The following XKR5 variants were observed in gnomAD, a reference collection of about 807,000 sequenced individuals.
The protein encoded by XKR5 is XK related 5.
A neutral mutation model predicts 40.8 loss-of-function variants in XKR5; 46 were observed. That is an observed-to-expected ratio of 1.13 (90% CI 0.89 to 1.44). The LOEUF is 1.44. Ranked by LOEUF, XKR5 falls within the 40% of genes most tolerant of loss-of-function variation. The pLI is 0.00. For missense variants in XKR5, 1,169 were observed against 844.7 expected (o/e 1.38, Z -4.76); for synonymous variants, 466 against 356.1 (o/e 1.31, Z -3.48).
chr8:6,822,164 C>G (rs1804270818), intron 4 of XKR5, 126 bp from the exon 5 acceptor site: 31 of 920,790 alleles, frequency 3.4e-5, no homozygotes, highest in Non-Finnish European at 4.4e-5. Flanking sequence ...GAAGAGATAT[C>G]AAAACCCAGA....
chr8:6,816,733 A>T (rs921219380), intron 5 of XKR5, among the ~76,000 whole-genome samples: 1 of 147,506 alleles, frequency 6.8e-6, no homozygotes, highest in Non-Finnish European at 1.5e-5. Context: ...ATTAATATAT[A>T]TTTTAATATA....
intron 1 of XKR5, among the ~76,000 whole-genome samples, chr8:6,834,170 G>C (rs1263131529): frequency 1.3e-5 from 2 of 152,192 alleles, no homozygotes; most frequent in African/African-American, 4.8e-5. Flanking sequence ...GAGGCGGTGC[G>C]CTGGTAGAGG....
chr8:6,835,369 G>T lies in XKR5; in HGVS notation c.58+67C>A, dbSNP rs1804966479. On this transcript the variant is annotated intron_variant, in intron 1 of 6. Transcript: ENST00000618742. ...CCGCCCGGGCATAGGCAGCCTGTGC[G>T]GCTCCCGGCGCCGGGGTGGGGTTAG... 1.3e-5 allele frequency: 18 copies of T among 1,347,158 alleles called. 1 individual carries two copies. In the South Asian group the frequency reaches 2.8e-4, roughly 21 times the overall value. The allele number at this position is 1,347,158 out of a possible 1,614,324, so 83.5% of individuals were successfully genotyped here. A position where few individuals can be genotyped will look rare whatever the true frequency, so the allele number is the denominator to read the frequency against.
rs757433288 is a variant in XKR5, at chr8:6,825,310, C to A, written c.282G>T (p.Leu94=). The A allele has an allele frequency of 1.5e-5, 24 of 1,603,978 alleles. No homozygotes were observed. The South Asian group carries it at 2.4e-4, about 16-fold the overall frequency. Residue 94 remains leucine (L), a synonymous_variant, in exon 3 of 7, where the codon CTG becomes CTT. Transcript: ENST00000618742. ...GCAGCCAGCCTCGGTGGGGAGCCTC[C>A]AGTTCCTTCTGCAGACTGGTCAGTG... is the stretch of plus-strand genomic sequence containing the variant. ...DAALTSLQKE[L]EAPHRGWLQL...
intron 5 of XKR5, among the ~76,000 whole-genome samples, chr8:6,817,801 A>G (rs1208253666): frequency 6.6e-6 from 1 of 152,196 alleles, no homozygotes; most frequent in African/African-American, 2.4e-5. Flanking sequence ...ATCTATTCAA[A>G]TACAAACTCC....
chr8:6,831,095 C>G (rs1804744319), intron 2 of XKR5, among the ~76,000 whole-genome samples: 1 of 152,338 alleles, frequency 6.6e-6, no homozygotes, highest in African/African-American at 2.4e-5. Flanking sequence ...ACTCACTCAA[C>G]AGGCCTCTGT....
Position 6,823,653 on chromosome 8 carries a change from G to T in XKR5, c.505C>A (p.Pro169Thr). 1 of 1,592,212 alleles carries T rather than the reference G, an allele frequency of 6.3e-7. No individual in the cohort carries two copies. The highest frequency in any genetic ancestry group is 8.6e-7 in the Non-Finnish European group (1 of 1,169,498). The change falls in exon 4 of 7, where the codon CCA becomes ACA. Residue 169 changes from proline (P) to threonine (T), a missense_variant. Transcript: ENST00000618742. ...GCCCATGGCATGGCCAGGTGGCCTG[G>T]CTTCATGAAGCCCATGAAGCGAGTG... ...SYTRFMGFMK[P>T]GHLAMPWAAL...
chr8:6,832,014 CAAAA>C (rs34490284), intron 2 of XKR5, among the ~76,000 whole-genome samples: 1 of 45,204 alleles, frequency 2.2e-5, no homozygotes, highest in Non-Finnish European at 3.8e-5. Context: ...GACTCCATCT[CAAAA>C]AAAAAAAAAA....
rs1360307931 is a variant in XKR5 at position 6,810,990 on chromosome 8, T to TA, written c.*207dup. The TA allele has an allele frequency of 1.8e-6, 1 of 547,192 alleles. No individual in the cohort carries two copies. The highest frequency in any genetic ancestry group is 3.0e-5 in the East Asian group (1 of 32,950). 33.9% of individuals were successfully genotyped at this position (547,192 alleles called of 1,614,324 possible). A position where few individuals can be genotyped will look rare whatever the true frequency, so the allele number is the denominator to read the frequency against. On this transcript the variant is annotated 3_prime_UTR_variant, in exon 7 of 7. Transcript: ENST00000618742. Reference sequence around the variant, plus strand: ...CTCTAAAGTATGTTAGAGTCTCTCCTATGCATGGGTGGGGTCTGTGATGTT... The same window carrying TA: ...CTCTAAAGTATGTTAGAGTCTCTCCTAATGCATGGGTGGGGTCTGTGATGTT...
intron 2 of XKR5, among the ~76,000 whole-genome samples, chr8:6,827,630 C>G (rs1216176960): frequency 6.6e-6 from 1 of 152,190 alleles, no homozygotes; most frequent in Non-Finnish European, 1.5e-5. Flanking sequence ...ACATATGACA[C>G]TAAAAAATGT....
rs1001967095 is a variant in XKR5 at position 6,823,674 on chromosome 8, G to C, written c.484C>G (p.Arg162Gly). ...CCTGGCTTCATGAAGCCCATGAAGCGAGTGTAGGACACCAGTGCCCAGGAG... is the reference window on the plus strand; with the variant it reads ...CCTGGCTTCATGAAGCCCATGAAGCCAGTGTAGGACACCAGTGCCCAGGAG... ...SLSWALVSYT[R>G]FMGFMKPGHL... The change falls in exon 4 of 7, where the codon CGC (arginine) becomes GGC (glycine). Residue 162 changes from arginine to glycine, a missense_variant. Transcript: ENST00000618742. 2.5e-6 allele frequency: 4 copies of C among 1,591,650 alleles called. No individual in the cohort carries two copies. Among genetic ancestry groups the C allele is most frequent in the South Asian group, 1.1e-5 (1 of 87,252 alleles).
At position 6,829,581 on chromosome 8, in the gene XKR5, T is replaced by C. The variant is rs561770204; in HGVS notation, c.242+3136A>G. ...CCTAGGTTGGAGTGCAGTGGCGTGA[T>C]CTCAGCTCACTGTAACCTCTACTTC... On this transcript the variant is annotated intron_variant, in intron 2 of 6. Transcript: ENST00000618742. 2.0e-5 allele frequency among the ~76,000 whole-genome samples: 3 copies of C among 152,348 alleles called. No individual in the cohort carries two copies. In the South Asian group the frequency reaches 6.2e-4, roughly 32 times the overall value.
chr8:6,823,579 G>A lies in XKR5; in HGVS notation c.579C>T (p.Arg193=), dbSNP rs567795710. 109 of 1,597,058 alleles carry A rather than the reference G, an allele frequency of 6.8e-5. No individual in the cohort carries two copies. Among genetic ancestry groups the A allele is most frequent in the South Asian group, 6.7e-4 (59 of 87,808 alleles). ...TGTAGAACAGAACCAGACTCAGCACGCGGGTTCCCAACATGCCCATCCTCC... is the reference window on the plus strand; with the variant it reads ...TGTAGAACAGAACCAGACTCAGCACACGGGTTCCCAACATGCCCATCCTCC... ...QLWRMGMLGT[R]VLSLVLFYKA... is the part of the protein sequence containing the mutation. Residue 193 remains arginine, a synonymous_variant, in exon 4 of 7, where the codon CGC becomes CGT. Transcript: ENST00000618742.
chr8:6,815,857 G>T lies in XKR5; in HGVS notation c.869C>A (p.Ser290Ter), dbSNP rs965780263. ...AGCTATGGTCTGCAGGCTGGTCCACGATGCCCCCTGGAGAAAGTCGGTGGC... is the reference window on the plus strand; with the variant it reads ...AGCTATGGTCTGCAGGCTGGTCCACTATGCCCCCTGGAGAAAGTCGGTGGC... ...LLATDFLQGA[S>*]WTSLQTIAGV... The change falls in exon 6 of 7, where the codon TCG (serine) becomes TAG (stop). Residue 290 changes from serine (S) to a stop codon, truncating the protein, a stop_gained. Coordinates refer to ENST00000618742, the MANE Select transcript of XKR5 (RefSeq NM_207411.5). LOFTEE classifies it low-confidence loss of function (END_TRUNC). 1 of 1,605,498 alleles carries T rather than the reference G, an allele frequency of 6.2e-7. No homozygotes were observed. Among genetic ancestry groups the T allele is most frequent in the South Asian group, 1.1e-5 (1 of 89,086 alleles).
In XKR5 at chr8:6,811,897, C is replaced by T. The variant is rs1803718202; in HGVS notation, c.1362G>A (p.Glu454=). The T allele has an allele frequency of 2.0e-6, 3 of 1,537,430 alleles. No individual in the cohort carries two copies. The highest frequency in any genetic ancestry group is 2.6e-6 in the Non-Finnish European group (3 of 1,146,948). The part of the protein sequence containing the change: ...LQRKALSAQQ[E]LPSSSRDPST... The stretch of plus-strand genomic sequence containing the variant: ...AGGGGTCACGGGATGAGGATGGGAG[C>T]TCTTGCTGGGCAGACAAGGCCTTTC... Residue 454 remains glutamate, a synonymous_variant, in exon 7 of 7, where the codon GAG becomes GAA. Transcript: ENST00000618742.
At chr8:6,829,870 C>G (rs1004004619) in intron 2 of XKR5, among the ~76,000 whole-genome samples, 1 of 117,666 alleles carries the variant, frequency 8.5e-6, no homozygotes, top group African/African-American at 3.3e-5. Context: ...CGGAGTCTCG[C>G]TCTGTCACCC....
intron 4 of XKR5, among the ~76,000 whole-genome samples, chr8:6,822,429 C>G (rs569898908): frequency 6.6e-6 from 1 of 152,148 alleles, no homozygotes; most frequent in Non-Finnish European, 1.5e-5. Flanking sequence ...GGAAAGAACT[C>G]TATGTGGTGC....
chr8:6,827,950 C>G (rs745617370), intron 2 of XKR5, among the ~76,000 whole-genome samples: 1 of 152,100 alleles, frequency 6.6e-6, no homozygotes, highest in Admixed American at 6.5e-5. Context: ...TGCCTGTAGT[C>G]CCAGCTACTC....
Position 6,821,953 on chromosome 8 carries a change from G to A in XKR5, c.723C>T (p.Asn241=), listed in dbSNP as rs766706954. The A allele has an allele frequency of 6.9e-5, 111 of 1,612,630 alleles. No individual in the cohort carries two copies. The highest frequency in any genetic ancestry group is 8.8e-5 in the Non-Finnish European group (104 of 1,179,356). Residue 241 remains asparagine (N), a synonymous_variant, in exon 5 of 7, where the codon AAC becomes AAT. Transcript: ENST00000618742. The part of the protein sequence containing the change: ...IDSTCHWRLF[N]LLVGAVYILC... ...GGATGTACACGGCCCCCACGAGCAG[G>A]TTGAACAGCCTCCAGTGGCAGGTGC...
Sources: allele counts gnomAD v4.1 joint callset (sites outside exome capture counted in the v4.1 genomes callset), GRCh38; gene constraint gnomAD v4.1.1; transcripts MANE v1.5; gene names NCBI Gene and HGNC (gene_info 2026-07-23, HGNC 2026-07-21).